Variants in CHN2 observed in about 807,000 individuals in gnomAD.
The protein encoded by CHN2 is beta-chimaerin.
In CHN2, 35 loss-of-function variants were observed where a neutral mutation model predicts 56.3. That is an observed-to-expected ratio of 0.62 (90% CI 0.47 to 0.82). CHN2 has a LOEUF of 0.82. Ranked by LOEUF, CHN2 falls within the 40% of genes least tolerant of loss-of-function variation. The probability of loss-of-function intolerance (pLI) is 0.00; values close to 1 mark genes in which losing one functional copy is unlikely to be tolerated. For synonymous variants in CHN2, 210 were observed against 212.8 expected, an observed-to-expected ratio of 0.99 and a Z score of 0.12; for missense variants, 491 against 580.5, an observed-to-expected ratio of 0.85 and a Z score of 1.58.
intron 1 of CHN2, among the ~76,000 whole-genome samples, chr7:29,274,847 C>T (rs984926568): frequency 2.0e-5 from 3 of 152,074 alleles, no homozygotes; most frequent in Admixed American, 6.5e-5. Context: ...CCAGGGCTGG[C>T]GGAAGGATGG....
intron 12 of CHN2, among the ~76,000 whole-genome samples, chr7:29,510,277 T>C (rs1791146466): frequency 6.6e-6 from 1 of 152,136 alleles, no homozygotes; most frequent in Non-Finnish European, 1.5e-5. Context: ...TCAAGGTCTG[T>C]AATGAGGCTG....
intron 1 of CHN2, among the ~76,000 whole-genome samples, chr7:29,244,302 C>T (rs1263888956): frequency 6.6e-5 from 10 of 152,148 alleles, no homozygotes; most frequent in African/African-American, 2.2e-4. Context: ...TGGCTGGTGA[C>T]AGAATGTCTA....
chr7:29,240,942 G>A (rs39078), intron 1 of CHN2, among the ~76,000 whole-genome samples: 1 of 151,540 alleles, frequency 6.6e-6, no homozygotes, highest in African/African-American at 2.4e-5. Flanking sequence ...CTGGAGTGCG[G>A]TGAGGCAATC....
chr7:29,258,183 A>T (rs1443059382), intron 1 of CHN2, among the ~76,000 whole-genome samples: 1 of 152,184 alleles, frequency 6.6e-6, no homozygotes, highest in Non-Finnish European at 1.5e-5. Flanking sequence ...TGTAATTGTC[A>T]TCCAAACTGG....
chr7:29,397,432 A>G (rs1197005225), intron 4 of CHN2: 1 of 152,336 alleles, frequency 6.6e-6, no homozygotes, highest in Non-Finnish European at 1.5e-5. Context: ...TTTATTATCC[A>G]AAGTTCTCCA....
At chr7:29,362,912 C>T (rs1446038120) in intron 2 of CHN2, among the ~76,000 whole-genome samples, 1 of 152,218 alleles carries the variant, frequency 6.6e-6, no homozygotes, top group African/African-American at 2.4e-5. Context: ...ACAGTCTGTT[C>T]ATTCACCAAA....
At chr7:29,390,945 T>G (rs1372113351) in intron 3 of CHN2, among the ~76,000 whole-genome samples, 1 of 152,208 alleles carries the variant, frequency 6.6e-6, no homozygotes, top group Admixed American at 6.5e-5. Flanking sequence ...ACCATTTAAC[T>G]TAAACATTAA....
At chr7:29,366,680 G>A (rs942730482) in intron 2 of CHN2, among the ~76,000 whole-genome samples, 1 of 152,188 alleles carries the variant, frequency 6.6e-6, no homozygotes, top group Non-Finnish European at 1.5e-5. Context: ...TTTCACAGAT[G>A]ACTACAGTCA....
chr7:29,498,469 A>G (rs1789540859), intron 8 of CHN2, among the ~76,000 whole-genome samples: 1 of 152,142 alleles, frequency 6.6e-6, no homozygotes, highest in African/African-American at 2.4e-5. Flanking sequence ...TTTTATTTTG[A>G]AAGGAGGTAG....
chr7:29,403,385 ATGAGCAGG>A (rs1196544170), intron 6 of CHN2, among the ~76,000 whole-genome samples: 1 of 152,042 alleles, frequency 6.6e-6, no homozygotes, highest in African/African-American at 2.4e-5. Flanking sequence ...AATGAGTGAA[ATGAGCAGG>A]TTTCCTAATA....
intron 6 of CHN2, among the ~76,000 whole-genome samples, chr7:29,444,236 T>C (rs1783873893): frequency 6.6e-6 from 1 of 152,220 alleles, no homozygotes; most frequent in Admixed American, 6.5e-5. Context: ...TTTAACCCTT[T>C]GTAACTAACA....
intron 2 of CHN2, among the ~76,000 whole-genome samples, chr7:29,155,303 T>A (rs245902): frequency 0.56 from 85,099 of 151,918 alleles, 24,663 homozygotes; most frequent in African/African-American, 0.72. Context: ...AAAGCCATTA[T>A]CAAAAATAAA....
At chr7:29,265,479 G>A (rs1366989090) in intron 1 of CHN2, among the ~76,000 whole-genome samples, 1 of 152,228 alleles carries the variant, frequency 6.6e-6, no homozygotes, top group African/African-American at 2.4e-5. Flanking sequence ...TGAGCAGGCT[G>A]TGAATGAATT....
chr7:29,206,805 A>G (rs563060174), intron 1 of CHN2, among the ~76,000 whole-genome samples: 1 of 152,258 alleles, frequency 6.6e-6, no homozygotes, highest in South Asian at 2.1e-4. Context: ...ATGCTACACC[A>G]GGGATGAGCC....
At chr7:29,168,115 A>AATATCTC (rs947962884) in intron 2 of CHN2, among the ~76,000 whole-genome samples, 1 of 152,200 alleles carries the variant, frequency 6.6e-6, no homozygotes, top group African/African-American at 2.4e-5. Context: ...TAACATACAG[A>AATATCTC]ATATCTCATT....
intron 6 of CHN2, among the ~76,000 whole-genome samples, chr7:29,431,055 G>C (rs1023603931): frequency 6.6e-6 from 1 of 152,102 alleles, no homozygotes; most frequent in African/African-American, 2.4e-5. Flanking sequence ...GGGGGGCAGA[G>C]AATCTGCCCC....
chr7:29,177,565 T>G (rs1173171400), intron 2 of CHN2, among the ~76,000 whole-genome samples: 1 of 151,728 alleles, frequency 6.6e-6, no homozygotes, highest in Non-Finnish European at 1.5e-5. Context: ...CCTCACTTTT[T>G]TTTTTTTAAT....
chr7:29,369,455 G>T (rs1799434046), intron 3 of CHN2, among the ~76,000 whole-genome samples: 1 of 152,050 alleles, frequency 6.6e-6, no homozygotes, highest in South Asian at 2.1e-4. Context: ...TTCAGCTCTG[G>T]CCTTGTTGTG....
At chr7:29,263,559 C>G (rs1789770645) in intron 1 of CHN2, among the ~76,000 whole-genome samples, 1 of 151,918 alleles carries the variant, frequency 6.6e-6, no homozygotes, top group Admixed American at 6.5e-5. Context: ...CTCTTTCCAG[C>G]CGCCACCCTG....
Sources: gnomAD v4.1 joint callset for allele counts (sites outside exome capture counted in the v4.1 genomes callset) on GRCh38, gnomAD v4.1.1 for gene constraint, MANE v1.5 for transcripts, NCBI Gene and HGNC (gene_info 2026-07-23, HGNC 2026-07-21) for gene names.